LRRC8D: variants seen among roughly 807,000 people sequenced by gnomAD.
The protein encoded by LRRC8D is leucine rich repeat containing 8 VRAC subunit D.
Under a neutral mutation model 55.8 loss-of-function variants are expected in LRRC8D, and 20 were observed. The observed-to-expected ratio is 0.36, with a 90% CI of 0.25 to 0.52. The LOEUF (loss-of-function observed/expected upper bound fraction) is 0.52. Ranked by LOEUF, LRRC8D falls within the 20% of genes least tolerant of loss-of-function variation. The pLI is 0.93. For missense variants in LRRC8D, 651 were observed against 1,030.8 expected, an observed-to-expected ratio of 0.63 and a Z score of 5.05; for synonymous variants, 352 against 377.0, an observed-to-expected ratio of 0.93 and a Z score of 0.77.
chr1:89,903,460 G>A (rs996675119), intron 2 of LRRC8D, among the ~76,000 whole-genome samples: 1 of 152,116 alleles, frequency 6.6e-6, no homozygotes, highest in African/African-American at 2.4e-5. Flanking sequence ...GTCTGCTGTG[G>A]CTGCCTTTTC....
At chr1:89,887,656 CT>C (rs932700486) in intron 2 of LRRC8D, among the ~76,000 whole-genome samples, 2 of 151,332 alleles carry the variant, frequency 1.3e-5, no homozygotes, top group Non-Finnish European at 3.0e-5. Flanking sequence ...GTAATCTAAC[CT>C]TTTTTTTTGG....
intron 2 of LRRC8D, 133 bp from the exon 3 acceptor site, chr1:89,932,934 A>G: frequency 1.4e-6 from 1 of 698,234 alleles, no homozygotes; most frequent in Non-Finnish European, 2.3e-6. Flanking sequence ...TTTATTTTCT[A>G]CTACATTTAT....
At chr1:89,917,000 A>G (rs1418703432) in intron 2 of LRRC8D, among the ~76,000 whole-genome samples, 3 of 152,198 alleles carry the variant, frequency 2.0e-5, no homozygotes, top group African/African-American at 2.4e-5. Flanking sequence ...CTGTGTTCCT[A>G]TTGTACAGGT....
chr1:89,922,256 G>C (rs1315984570), intron 2 of LRRC8D, among the ~76,000 whole-genome samples: 1 of 151,080 alleles, frequency 6.6e-6, no homozygotes, highest in Non-Finnish European at 1.5e-5. Context: ...CTAGAGACCG[G>C]GTTTCATCAT....
Position 89,936,135 on chromosome 1 carries a change from TTTTAA to T in LRRC8D, c.*496_*500del. 5.9e-6 allele frequency: 1 copy of T among 170,448 alleles called. No individual in the cohort carries two copies. Among genetic ancestry groups the T allele is most frequent in the African/African-American group, 2.4e-5 (1 of 41,594 alleles). The allele number at this position is 170,448 out of a possible 1,614,324, so 10.6% of individuals were successfully genotyped here. On this transcript the variant is annotated 3_prime_UTR_variant, in exon 3 of 3. Coordinates refer to ENST00000337338, the MANE Select transcript of LRRC8D (RefSeq NM_001134479.2). ...TGCTGAAATACTGATTTATTTCCTGTTTTAATTTAAAGTGCCTCAAGTAAGCACCT... is the reference window on the plus strand; with the variant it reads ...TGCTGAAATACTGATTTATTTCCTGTTTTAAAGTGCCTCAAGTAAGCACCT...
chr1:89,896,073 A>G (rs1662702883), intron 2 of LRRC8D, among the ~76,000 whole-genome samples: 1 of 152,264 alleles, frequency 6.6e-6, no homozygotes, highest in Non-Finnish European at 1.5e-5. Context: ...ATGATACATG[A>G]GTTTTAGGTT....
intron 2 of LRRC8D, among the ~76,000 whole-genome samples, chr1:89,846,832 C>T (rs1193203841): frequency 3.9e-5 from 6 of 152,104 alleles, no homozygotes; most frequent in Admixed American, 3.9e-4. Context: ...GAGCAAGTAT[C>T]TTTCCAAGGG....
chr1:89,824,415 T>C lies in LRRC8D; in HGVS notation c.-148+3124T>C, dbSNP rs567784427. ...GTATGATAGTGGAGTAAGTTGGGAA[T>C]CATTGAAATCAGAATTGGCATTTTA... On this transcript the variant is annotated intron_variant, in intron 1 of 2. Transcript: ENST00000337338. 6.1e-4 allele frequency among the ~76,000 whole-genome samples: 93 copies of C among 152,304 alleles called. 2 individuals carry two copies. In the South Asian group the frequency reaches 0.018, roughly 30 times the overall value.
At chr1:89,873,246 G>C (rs1047180103) in intron 2 of LRRC8D, among the ~76,000 whole-genome samples, 1 of 152,192 alleles carries the variant, frequency 6.6e-6, no homozygotes, top group East Asian at 1.9e-4. Flanking sequence ...TCGATGCAAA[G>C]TTGCAAAATA....
intron 2 of LRRC8D, among the ~76,000 whole-genome samples, chr1:89,896,257 A>G (rs1213046246): frequency 6.6e-6 from 1 of 152,124 alleles, no homozygotes; most frequent in African/African-American, 2.4e-5. Flanking sequence ...GTGGTAAAGG[A>G]TAGATGGGAA....
At chr1:89,925,026 T>C (rs1039421826) in intron 2 of LRRC8D, among the ~76,000 whole-genome samples, 15 of 152,216 alleles carry the variant, frequency 9.9e-5, no homozygotes, top group African/African-American at 3.6e-4. Context: ...TGCTGATTCA[T>C]GGCCTGTTAG....
intron 2 of LRRC8D, among the ~76,000 whole-genome samples, chr1:89,849,229 A>G (rs1208642054): frequency 1.3e-5 from 2 of 152,236 alleles, no homozygotes; most frequent in African/African-American, 4.8e-5. Flanking sequence ...TGTAAACAAT[A>G]TGGAGACAGT....
chr1:89,901,194 G>A (rs1424707489), intron 2 of LRRC8D, among the ~76,000 whole-genome samples: 2 of 152,126 alleles, frequency 1.3e-5, no homozygotes, highest in East Asian at 3.9e-4. Flanking sequence ...GGCCTTTCAC[G>A]GCTGCTTGAG....
At position 89,846,965 on chromosome 1, in the gene LRRC8D, C is replaced by T. The variant is rs192017464; in HGVS notation, c.-3+3183C>T. On this transcript the variant is annotated intron_variant, in intron 2 of 2. Transcript: ENST00000337338. ...GATATATATGACTCTCCACTCCCCA[C>T]TACTGCTGCCACTGTGCGCATCCCC... 2.6e-5 allele frequency among the ~76,000 whole-genome samples: 4 copies of T among 152,324 alleles called. No homozygotes were observed. The East Asian group carries it at 7.7e-4, about 29-fold the overall frequency.
chr1:89,895,234 A>G (rs1662676976), intron 2 of LRRC8D, among the ~76,000 whole-genome samples: 1 of 151,700 alleles, frequency 6.6e-6, no homozygotes, highest in African/African-American at 2.4e-5. Flanking sequence ...TACTATATTC[A>G]TATAATATAT....
At chr1:89,914,313 G>A (rs1009741575) in intron 2 of LRRC8D, among the ~76,000 whole-genome samples, 3 of 152,194 alleles carry the variant, frequency 2.0e-5, no homozygotes, top group African/African-American at 2.4e-5. Context: ...AGCACAGCAC[G>A]CAGCCTTGGT....
chr1:89,839,812 T>C (rs563081596), intron 1 of LRRC8D, among the ~76,000 whole-genome samples: 1 of 152,332 alleles, frequency 6.6e-6, no homozygotes, highest in African/African-American at 2.4e-5. Flanking sequence ...TCATTTTTTA[T>C]TTTCTTGTTT....
chr1:89,935,845 C>CGT lies in LRRC8D; in HGVS notation c.*200_*201insGT, dbSNP rs1557493139. On this transcript the variant is annotated 3_prime_UTR_variant, in exon 3 of 3. Coordinates refer to ENST00000337338, the MANE Select transcript of LRRC8D (RefSeq NM_001134479.2). ...GGTTTTAAGTCATTCATTTCCAAAT[C>CGT]ATTTTTTTTTTTCTTTTGGGGAAAG... 3.4e-5 allele frequency: 15 copies of CGT among 437,940 alleles called. No homozygotes were observed. The highest frequency in any genetic ancestry group is 2.9e-4 in the African/African-American group (14 of 47,476). The allele number at this position is 437,940 out of a possible 1,614,324, so 27.1% of individuals were successfully genotyped here.
In LRRC8D at chr1:89,864,373, C is replaced by CAAAGG. The variant is rs1369153280; in HGVS notation, c.-3+20593_-3+20594insAGGAA. On this transcript the variant is annotated intron_variant, in intron 2 of 2. Transcript: ENST00000337338. The stretch of plus-strand genomic sequence containing the variant: ...TTGAATGCAGGTGGTCCTCAGTTTA[C>CAAAGG]AAGGAGTTGTAATTCTTCCTTCATC... 7.4e-3 allele frequency among the ~76,000 whole-genome samples: 1,121 copies of CAAAGG among 152,304 alleles called. 12 individuals carry two copies. Among genetic ancestry groups the CAAAGG allele is most frequent in the African/African-American group, 0.026 (1,082 of 41,560 alleles).
Sources: gnomAD v4.1 joint callset for allele counts (sites outside exome capture counted in the v4.1 genomes callset) on GRCh38, gnomAD v4.1.1 for gene constraint, MANE v1.5 for transcripts, NCBI Gene and HGNC (gene_info 2026-07-23, HGNC 2026-07-21) for gene names.